Variants in GRM8 observed in about 807,000 individuals in gnomAD.
GRM8 encodes the protein metabotropic glutamate receptor 8.
Under a neutral mutation model 87.2 loss-of-function variants are expected in GRM8, and 47 were observed. That is an observed-to-expected ratio of 0.54 (90% confidence interval 0.43 to 0.69). The LOEUF (loss-of-function observed/expected upper bound fraction) is 0.69, where lower values mean the gene tolerates loss of function less well. Among genes scored for constraint, GRM8 ranks in the 30% least tolerant of loss-of-function variants. The pLI is 0.00. For synonymous variants in GRM8, 396 were observed against 404.5 expected (o/e 0.98, Z 0.25); for missense variants, 1,019 against 1,139.2 (o/e 0.89, Z 1.52).
intron 6 of GRM8, among the ~76,000 whole-genome samples, chr7:126,837,927 G>A (rs753454653): frequency 6.6e-6 from 1 of 152,146 alleles, no homozygotes; most frequent in Non-Finnish European, 1.5e-5. Context: ...CAGTACTGCA[G>A]AAAATCAAAG....
At chr7:127,124,022 A>C (rs558661303) in intron 2 of GRM8, among the ~76,000 whole-genome samples, 1 of 152,248 alleles carries the variant, frequency 6.6e-6, no homozygotes, top group Admixed American at 6.5e-5. Flanking sequence ...CTTTCAAGTC[A>C]TTAACCACAT....
At chr7:126,603,655 C>CATA (rs1798050727) in intron 8 of GRM8, among the ~76,000 whole-genome samples, 1 of 152,052 alleles carries the variant, frequency 6.6e-6, no homozygotes, top group Non-Finnish European at 1.5e-5. Flanking sequence ...AGGGAATTGA[C>CATA]TCACACTTAT....
chr7:126,509,450 C>T (rs1237979964), intron 9 of GRM8, among the ~76,000 whole-genome samples: 1 of 152,000 alleles, frequency 6.6e-6, no homozygotes, highest in Non-Finnish European at 1.5e-5. Context: ...TAAAAGCCCA[C>T]ATTCAGTTGT....
intron 7 of GRM8, among the ~76,000 whole-genome samples, chr7:126,734,222 C>T (rs779101352): frequency 2.6e-5 from 4 of 151,758 alleles, no homozygotes; most frequent in Admixed American, 2.0e-4. Context: ...AGTATTTTCT[C>T]GAAGTTGATC....
intron 9 of GRM8, among the ~76,000 whole-genome samples, chr7:126,489,262 G>A (rs1254973489): frequency 3.9e-5 from 6 of 151,972 alleles, no homozygotes; most frequent in Non-Finnish European, 8.8e-5. Context: ...GTAATCAAAT[G>A]CAATCTTTTG....
chr7:126,607,537 C>T (rs1257257948), intron 8 of GRM8, among the ~76,000 whole-genome samples: 1 of 152,070 alleles, frequency 6.6e-6, no homozygotes, highest in African/African-American at 2.4e-5. Context: ...TACACTCTCA[C>T]AGTATTATGG....
rs542237166 is a variant in GRM8, at chr7:127,218,060, C to T, written c.510+24635G>A. Among the ~76,000 whole-genome samples, 4 of 152,306 alleles carry T rather than the reference C, an allele frequency of 2.6e-5. No individual in the cohort carries two copies. In the East Asian group the frequency reaches 7.7e-4, roughly 29 times the overall value. On this transcript the variant is annotated intron_variant, in intron 2 of 10. Transcript: ENST00000339582. ...CTCTCATGAGTGGGGCCCAGAAATC[C>T]ACATTGTCAACATTGGTAATGCCCA...
At chr7:126,646,433 C>G (rs140938501) in intron 7 of GRM8, among the ~76,000 whole-genome samples, 1 of 152,200 alleles carries the variant, frequency 6.6e-6, no homozygotes, top group African/African-American at 2.4e-5. Flanking sequence ...AAAAGACTAT[C>G]TCCACTCACT....
At chr7:127,091,891 C>T (rs1202668853) in intron 3 of GRM8, among the ~76,000 whole-genome samples, 4 of 107,224 alleles carry the variant, frequency 3.7e-5, no homozygotes, top group Admixed American at 8.8e-5. Context: ...CATTCCCCGC[C>T]GGCCCACTGA....
At chr7:126,697,245 T>C (rs1809485768) in intron 7 of GRM8, among the ~76,000 whole-genome samples, 2 of 149,908 alleles carry the variant, frequency 1.3e-5, no homozygotes, top group Non-Finnish European at 1.5e-5. Context: ...GGATGGGGAA[T>C]GGAGAAATGC....
intron 8 of GRM8, among the ~76,000 whole-genome samples, chr7:126,561,468 CA>C (rs905383168): frequency 5.9e-4 from 83 of 141,638 alleles, no homozygotes; most frequent in Admixed American, 7.7e-4. Context: ...GACTCTGTTT[CA>C]AAAAAAAAAG....
chr7:126,672,987 T>G (rs1806544317), intron 7 of GRM8, among the ~76,000 whole-genome samples: 1 of 152,168 alleles, frequency 6.6e-6, no homozygotes, highest in Non-Finnish European at 1.5e-5. Context: ...GGCAGTTAGA[T>G]GTATTTCTCT....
intron 8 of GRM8, 33 bp downstream of exon 8, chr7:126,609,329 T>C (rs939812745): frequency 2.5e-6 from 4 of 1,575,414 alleles, no homozygotes; most frequent in Non-Finnish European, 3.5e-6. Context: ...TGGAGAGCTA[T>C]ATACATTAAT....
At chr7:126,787,898 C>T (rs1405025330) in intron 6 of GRM8, among the ~76,000 whole-genome samples, 3 of 151,956 alleles carry the variant, frequency 2.0e-5, no homozygotes, top group Admixed American at 2.0e-4. Context: ...CAGAGAAATT[C>T]CTAAAACTTT....
chr7:127,041,752 C>T (rs1275511356), intron 3 of GRM8, among the ~76,000 whole-genome samples: 1 of 152,160 alleles, frequency 6.6e-6, no homozygotes, highest in Non-Finnish European at 1.5e-5. Context: ...AGCAAAACCT[C>T]CTACCCAGGT....
intron 2 of GRM8, among the ~76,000 whole-genome samples, chr7:127,108,493 G>T (rs1826024559): frequency 6.6e-6 from 1 of 152,036 alleles, no homozygotes; most frequent in South Asian, 2.1e-4. Context: ...AAAATATATA[G>T]CCCTACACCA....
chr7:127,232,212 T>TGTGTGTGTGTGTGA (rs1491132484), intron 2 of GRM8, among the ~76,000 whole-genome samples: 1 of 143,564 alleles, frequency 7.0e-6, no homozygotes, highest in African/African-American at 2.7e-5. Context: ...TGTGTGTGTG[T>TGTGTGTGTGTGTGA]GAGAGAGAGA....
At chr7:126,781,275 T>C (rs1820046298) in intron 6 of GRM8, among the ~76,000 whole-genome samples, 1 of 152,340 alleles carries the variant, frequency 6.6e-6, no homozygotes, top group Non-Finnish European at 1.5e-5. Context: ...CACTTGCCAC[T>C]CTGAGAATGT....
At chr7:126,502,469 T>C (rs990214694) in intron 9 of GRM8, among the ~76,000 whole-genome samples, 6 of 152,092 alleles carry the variant, frequency 3.9e-5, no homozygotes, top group Non-Finnish European at 8.8e-5. Flanking sequence ...GTGTCTGCTA[T>C]ATACAAAAAT....
Sources: gnomAD v4.1 joint callset for allele counts (sites outside exome capture counted in the v4.1 genomes callset) on GRCh38, gnomAD v4.1.1 for gene constraint, MANE v1.5 for transcripts, NCBI Gene and HGNC (gene_info 2026-07-23, HGNC 2026-07-21) for gene names.